The following CELF2 variants were observed in gnomAD, a reference collection of about 807,000 sequenced individuals.
The protein encoded by CELF2 is CUG triplet repeat RNA-binding protein 2.
CELF2 carries 8 observed loss-of-function variants against 62.6 expected under a neutral mutation model. The observed-to-expected ratio is 0.13, with a 90% CI of 0.07 to 0.23. The LOEUF (loss-of-function observed/expected upper bound fraction) is 0.23, where lower values mean the gene tolerates loss of function less well. Among genes scored for constraint, CELF2 ranks in the 10% least tolerant of loss-of-function variants. The probability of loss-of-function intolerance (pLI) is 1.00; values close to 1 mark genes in which losing one functional copy is unlikely to be tolerated. For synonymous variants in CELF2, 258 were observed against 250.0 expected (o/e 1.03, Z -0.30); for missense variants, 333 against 671.0 (o/e 0.50, Z 5.56).
intron 2 of CELF2, among the ~76,000 whole-genome samples, chr10:10,950,669 A>G (rs1436725473): frequency 1.3e-5 from 2 of 152,146 alleles, no homozygotes; most frequent in Non-Finnish European, 2.9e-5. Context: ...TGGAAATTAG[A>G]TATCGTTTAC....
intron 1 of CELF2, among the ~76,000 whole-genome samples, chr10:10,828,456 G>A (rs1301225219): frequency 6.6e-6 from 1 of 152,124 alleles, no homozygotes; most frequent in Non-Finnish European, 1.5e-5. Flanking sequence ...GAGGTGCCCA[G>A]GATAGTCAGA....
At chr10:11,025,239 G>GTGTGTATATATATATATATATA (rs61580670) in intron 1 of CELF2, among the ~76,000 whole-genome samples, 2 of 141,088 alleles carry the variant, frequency 1.4e-5, no homozygotes, top group East Asian at 2.1e-4. Flanking sequence ...GTGTGTGTGT[G>GTGTGTATATATATATATATATA]TATATGTATG....
At chr10:10,829,571 T>G (rs1039149670) in intron 1 of CELF2, among the ~76,000 whole-genome samples, 2 of 152,248 alleles carry the variant, frequency 1.3e-5, no homozygotes, top group African/African-American at 4.8e-5. Flanking sequence ...GACTTAAATA[T>G]CTTTATTCCT....
intron 2 of CELF2, among the ~76,000 whole-genome samples, chr10:10,973,647 G>A (rs1049114672): frequency 5.3e-5 from 8 of 152,158 alleles, no homozygotes; most frequent in African/African-American, 1.9e-4. Flanking sequence ...GCTCACTGCA[G>A]CCTCAACCTC....
chr10:11,314,384 G>A lies in CELF2; in HGVS notation c.1096+126G>A. 7.8e-7 allele frequency: 1 copy of A among 1,284,948 alleles called. No individual in the cohort carries two copies. The highest frequency in any genetic ancestry group is 1.1e-6 in the Non-Finnish European group (1 of 893,220). 79.6% of individuals were successfully genotyped at this position (1,284,948 alleles called of 1,614,324 possible). A position where few individuals can be genotyped will look rare whatever the true frequency, so the allele number is the denominator to read the frequency against. Reference sequence around the variant, plus strand: ...ACGGGGAGAACTAAAACTTGGGATGGAGGAGCACATGCTTTGATAGGCAAA... The same window carrying A: ...ACGGGGAGAACTAAAACTTGGGATGAAGGAGCACATGCTTTGATAGGCAAA... On this transcript the variant is annotated intron_variant, in intron 10 of 12. Transcript: ENST00000633077. The surrounding 1 kb of genome is among the most constrained non-coding windows in gnomAD (Gnocchi z 5.3).
Position 11,018,122 on chromosome 10 carries a change from G to C in CELF2, c.33G>C (p.Pro11=). The change falls in exon 1 of 13, where the codon CCG becomes CCC. Residue 11 remains proline, a synonymous_variant. Transcript: ENST00000633077. The stretch of plus-strand genomic sequence containing the variant: ...CTGCCTTCAAGCTGGATTTCCTCCC[G>C]GACATGATGGTCGAGGGCCGCCTGC... The part of the protein sequence containing the change: MTSAFKLDFL[P]DMMVEGRLLV... 6.6e-7 allele frequency: 1 copy of C among 1,515,444 alleles called. No homozygotes were observed. The allele number at this position is 1,515,444 out of a possible 1,614,324, so 93.9% of individuals were successfully genotyped here. A position where few individuals can be genotyped will look rare whatever the true frequency, so the allele number is the denominator to read the frequency against.
In CELF2 at chr10:11,260,694, G is replaced by A. The variant is rs1423206241; in HGVS notation, c.538+2822G>A. 4.0e-5 allele frequency among the ~76,000 whole-genome samples: 6 copies of A among 150,518 alleles called. No homozygotes were observed. The highest frequency in any genetic ancestry group is 4.0e-4 in the Admixed American group (6 of 15,162). On this transcript the variant is annotated intron_variant, in intron 5 of 12. Coordinates refer to ENST00000633077, the MANE Select transcript of CELF2 (RefSeq NM_001326342.2). This position sits in a 1 kb window ranked among gnomAD's most constrained non-coding sequence, Gnocchi z 4.2. ...GCAGAAAAGTAATTTCTGGTGAACT[G>A]ATGAGAATTCCCTGTTGCAAAAAAA...
the CELF2 span, among the ~76,000 whole-genome samples, chr10:10,657,716 G>A: frequency 3.9e-5 from 6 of 152,122 alleles, no homozygotes; most frequent in Admixed American, 3.9e-4. Flanking sequence ...AAGGATTTGG[G>A]AAGGAGAATA....
At chr10:10,808,586 A>G (rs556653966) in intron 1 of CELF2, among the ~76,000 whole-genome samples, 1 of 152,332 alleles carries the variant, frequency 6.6e-6, no homozygotes, top group African/African-American at 2.4e-5. Context: ...CTGCGAAACA[A>G]TCCTTAGTTA....
intron 1 of CELF2, among the ~76,000 whole-genome samples, chr10:10,849,842 T>TAAA (rs34346996): frequency 8.7e-4 from 129 of 148,620 alleles, no homozygotes; most frequent in South Asian, 1.9e-3. Flanking sequence ...GCAATTGCTT[T>TAAA]AAAAAAAAAA....
At chr10:10,656,164 C>T in the CELF2 span, among the ~76,000 whole-genome samples, 2 of 145,656 alleles carry the variant, frequency 1.4e-5, no homozygotes, top group Non-Finnish European at 3.0e-5. Flanking sequence ...ATCAAAACCA[C>T]AATGAGATAC....
Position 10,834,011 on chromosome 10 carries a change from A to G in CELF2, c.53+35194A>G, listed in dbSNP as rs541958659. On this transcript the variant is annotated intron_variant, in intron 1 of 13. Transcript: ENST00000636488. ...CATTCTACCATAAAGACACTTGTAC[A>G]TGTATGTTCATTGCAGCACCATTCA... 2.6e-5 allele frequency among the ~76,000 whole-genome samples: 4 copies of G among 152,352 alleles called. No homozygotes were observed. In the East Asian group the frequency reaches 7.7e-4, roughly 29 times the overall value.
the CELF2 span, among the ~76,000 whole-genome samples, chr10:10,492,118 G>T: frequency 9.9e-5 from 15 of 152,018 alleles, no homozygotes; most frequent in Non-Finnish European, 1.6e-4. Flanking sequence ...TATTGGTGAT[G>T]CCAGATCACC....
chr10:10,549,935 C>T, the CELF2 span, among the ~76,000 whole-genome samples: 1 of 151,924 alleles, frequency 6.6e-6, no homozygotes, highest in African/African-American at 2.4e-5. Context: ...AGCACAAAAC[C>T]AATAAAGGGG....
chr10:11,034,940 C>T (rs2060721986), intron 1 of CELF2, among the ~76,000 whole-genome samples: 1 of 151,996 alleles, frequency 6.6e-6, no homozygotes, highest in South Asian at 2.1e-4. Flanking sequence ...TGTTTTGTGC[C>T]CTTGGTACTC....
At position 11,314,489 on chromosome 10, in the gene CELF2, C is replaced by T. The variant is rs537542001; in HGVS notation, c.1096+231C>T. Reference sequence around the variant, plus strand: ...ATTCTCTTCAGTGTGTAGCACAGCGCGTGTGCTCATCCATGGGGTTCTGTG... The same window carrying T: ...ATTCTCTTCAGTGTGTAGCACAGCGTGTGTGCTCATCCATGGGGTTCTGTG... On this transcript the variant is annotated intron_variant, in intron 10 of 12. Coordinates refer to ENST00000633077, the MANE Select transcript of CELF2 (RefSeq NM_001326342.2). The surrounding 1 kb of genome is among the most constrained non-coding windows in gnomAD (Gnocchi z 5.3). 5.4e-5 allele frequency: 32 copies of T among 589,938 alleles called. No homozygotes were observed. The highest frequency in any genetic ancestry group is 7.8e-5 in the Non-Finnish European group (25 of 322,426). The allele number at this position is 589,938 out of a possible 1,614,324, so 36.5% of individuals were successfully genotyped here. A position where few individuals can be genotyped will look rare whatever the true frequency, so the allele number is the denominator to read the frequency against.
chr10:10,687,341 A>C, the CELF2 span, among the ~76,000 whole-genome samples: 1 of 152,230 alleles, frequency 6.6e-6, no homozygotes, highest in African/African-American at 2.4e-5. Flanking sequence ...TTTATTTCCT[A>C]TGCATTTTCT....
chr10:11,332,899 ATAACAACACTTATTGCACC>A lies in CELF2; in HGVS notation c.*3848_*3866del, dbSNP rs1490334695. On this transcript the variant is annotated 3_prime_UTR_variant, in exon 13 of 13. Transcript: ENST00000633077. ...TGTACTTTCTGCAGCAATCAGCTTAATAACAACACTTATTGCACCTGTCTCTCTCTGAGAACACGGTGTG... is the reference window on the plus strand; with the variant it reads ...TGTACTTTCTGCAGCAATCAGCTTAATGTCTCTCTCTGAGAACACGGTGTG... The A allele has an allele frequency of 1.3e-5, 2 of 152,672 alleles. No homozygotes were observed. Among genetic ancestry groups the A allele is most frequent in the Non-Finnish European group, 2.9e-5 (2 of 68,048 alleles). The allele number at this position is 152,672 out of a possible 1,614,324, so 9.5% of individuals were successfully genotyped here. A position where few individuals can be genotyped will look rare whatever the true frequency, so the allele number is the denominator to read the frequency against.
intron 3 of CELF2, among the ~76,000 whole-genome samples, chr10:11,222,490 G>A (rs560384373): frequency 1.3e-5 from 2 of 152,206 alleles, no homozygotes; most frequent in Non-Finnish European, 2.9e-5. Context: ...CGAAACATCT[G>A]TATGAACAGG....
Sources: gnomAD v4.1 joint callset for allele counts (sites outside exome capture counted in the v4.1 genomes callset) on GRCh38, gnomAD v4.1.1 for gene constraint, Gnocchi (gnomAD v3.1) non-coding constraint, MANE v1.5 for transcripts, NCBI Gene and HGNC (gene_info 2026-07-23, HGNC 2026-07-21) for gene names.